The following COL8A1 variants were observed in gnomAD, a reference collection of about 807,000 sequenced individuals.
COL8A1 encodes collagen type VIII alpha 1 chain, also known as collagen alpha-1(VIII) chain.
A neutral mutation model predicts 42.7 loss-of-function variants in COL8A1; 21 were observed. That is an observed-to-expected ratio of 0.49 (90% CI 0.35 to 0.71). The LOEUF is 0.71. COL8A1 is among the 30% of genes least tolerant of loss of function. The pLI, the probability that COL8A1 is intolerant of heterozygous loss-of-function variation, is 0.01. For missense variants in COL8A1, 788 were observed against 962.4 expected (o/e 0.82, Z 2.40); for synonymous variants, 367 against 369.1 (o/e 0.99, Z 0.06).
intron 1 of COL8A1, among the ~76,000 whole-genome samples, chr3:99,655,889 C>G (rs924374180): frequency 6.6e-6 from 1 of 151,968 alleles, no homozygotes; most frequent in Admixed American, 6.6e-5. Context: ...AGTAAGTGCA[C>G]TGACAGAAGG....
chr3:99,722,792 C>CCA (rs1384050600), intron 1 of COL8A1, among the ~76,000 whole-genome samples: 1 of 152,054 alleles, frequency 6.6e-6, no homozygotes, highest in Non-Finnish European at 1.5e-5. Context: ...AGACTATCGT[C>CCA]CACCCATTCC....
At chr3:99,727,361 A>G (rs1940365365) in intron 1 of COL8A1, among the ~76,000 whole-genome samples, 1 of 152,176 alleles carries the variant, frequency 6.6e-6, no homozygotes, top group African/African-American at 2.4e-5. Context: ...ATCTGCAAAC[A>G]GGGACAATTT....
At chr3:99,752,285 T>TA (rs1941166087) in intron 2 of COL8A1, among the ~76,000 whole-genome samples, 1 of 152,158 alleles carries the variant, frequency 6.6e-6, no homozygotes, top group Non-Finnish European at 1.5e-5. Flanking sequence ...ATTTAAGAAT[T>TA]AAATCAATAA....
At chr3:99,643,253 C>A (rs1210064753) in intron 1 of COL8A1, among the ~76,000 whole-genome samples, 1 of 152,190 alleles carries the variant, frequency 6.6e-6, no homozygotes. Flanking sequence ...ACATACAGGG[C>A]TCTCAGAAAC....
intron 1 of COL8A1, among the ~76,000 whole-genome samples, chr3:99,664,584 T>C (rs570872750): frequency 6.6e-6 from 1 of 152,282 alleles, no homozygotes; most frequent in East Asian, 1.9e-4. Flanking sequence ...CTTTTACTCC[T>C]CCTCCCAGCT....
chr3:99,643,979 G>T (rs1022174949), intron 1 of COL8A1, among the ~76,000 whole-genome samples: 2 of 152,166 alleles, frequency 1.3e-5, no homozygotes, highest in African/African-American at 2.4e-5. Context: ...AGAATGTGTA[G>T]GTATGAGATT....
intron 1 of COL8A1, among the ~76,000 whole-genome samples, chr3:99,681,662 G>T (rs909863634): frequency 2.6e-5 from 4 of 152,180 alleles, no homozygotes; most frequent in Non-Finnish European, 5.9e-5. Flanking sequence ...ACAGCAGGTG[G>T]TGCTTTGGGT....
chr3:99,787,395 T>A (rs546419209), intron 2 of COL8A1, among the ~76,000 whole-genome samples: 2 of 152,334 alleles, frequency 1.3e-5, no homozygotes, highest in East Asian at 3.9e-4. Flanking sequence ...TTTTAACAAG[T>A]GCATTTTAAT....
chr3:99,754,761 G>T (rs1317415328), intron 2 of COL8A1, among the ~76,000 whole-genome samples: 1 of 152,022 alleles, frequency 6.6e-6, no homozygotes, highest in East Asian at 1.9e-4. Context: ...GATCTTCTTG[G>T]ATTTAAAAAC....
At chr3:99,745,175 C>G (rs1174210097) in intron 2 of COL8A1, among the ~76,000 whole-genome samples, 154 bp downstream of exon 2, 2 of 152,174 alleles carry the variant, frequency 1.3e-5, no homozygotes, top group Non-Finnish European at 2.9e-5. Context: ...CCCATCGTTG[C>G]AAAAGCCTTG....
intron 1 of COL8A1, among the ~76,000 whole-genome samples, chr3:99,739,930 C>G (rs1033497049): frequency 3.9e-5 from 6 of 152,142 alleles, no homozygotes; most frequent in African/African-American, 1.4e-4. Flanking sequence ...TTTTCCAAAT[C>G]TTTATCCTCT....
intron 1 of COL8A1, among the ~76,000 whole-genome samples, chr3:99,708,296 G>A (rs540472760): frequency 1.2e-4 from 18 of 152,230 alleles, no homozygotes; most frequent in African/African-American, 4.3e-4. Flanking sequence ...GGAAACTGAA[G>A]AAGATGCCAG....
intron 1 of COL8A1, among the ~76,000 whole-genome samples, chr3:99,665,942 C>T (rs974349576): frequency 8.6e-5 from 13 of 151,558 alleles, no homozygotes; most frequent in African/African-American, 1.5e-4. Flanking sequence ...CTGCCCGCCT[C>T]GGACTCCTAA....
intron 1 of COL8A1, among the ~76,000 whole-genome samples, chr3:99,730,270 T>C (rs2107382672): frequency 1.3e-5 from 2 of 152,270 alleles, no homozygotes; most frequent in East Asian, 3.9e-4. Flanking sequence ...TGTTTCCTCT[T>C]CCTTCAGGAA....
chr3:99,734,665 A>G (rs1403425022), intron 1 of COL8A1, among the ~76,000 whole-genome samples: 1 of 151,928 alleles, frequency 6.6e-6, no homozygotes, highest in Non-Finnish European at 1.5e-5. Context: ...ACTTTAAAGT[A>G]GTTTTTTCCA....
At chr3:99,787,358 G>A (rs564785964) in intron 2 of COL8A1, among the ~76,000 whole-genome samples, 1 of 152,072 alleles carries the variant, frequency 6.6e-6, no homozygotes, top group Non-Finnish European at 1.5e-5. Flanking sequence ...TGACTGCCTT[G>A]GTTCAGCTGT....
At chr3:99,669,870 G>A (rs2107311656) in intron 1 of COL8A1, among the ~76,000 whole-genome samples, 1 of 152,136 alleles carries the variant, frequency 6.6e-6, no homozygotes, top group South Asian at 2.1e-4. Context: ...GTGGGCTTGG[G>A]AGGAGAAACT....
chr3:99,643,411 T>C (rs982049153), intron 1 of COL8A1, among the ~76,000 whole-genome samples: 3 of 152,192 alleles, frequency 2.0e-5, no homozygotes, highest in African/African-American at 4.8e-5. Context: ...ATATGGTACA[T>C]AGTAGCTGCT....
intron 1 of COL8A1, among the ~76,000 whole-genome samples, chr3:99,655,249 A>G (rs1366068031): frequency 1.3e-5 from 2 of 152,228 alleles, no homozygotes; most frequent in Non-Finnish European, 2.9e-5. Context: ...ACTGTCAAGG[A>G]TAACTAATTC....
Sources: gnomAD v4.1 joint callset for allele counts (sites outside exome capture counted in the v4.1 genomes callset) on GRCh38, gnomAD v4.1.1 for gene constraint, MANE v1.5 for transcripts, NCBI Gene and HGNC (gene_info 2026-07-23, HGNC 2026-07-21) for gene names.